ECT2: variants seen among roughly 807,000 people sequenced by gnomAD.
ECT2 encodes the protein epithelial cell transforming 2.
ECT2 carries 61 observed loss-of-function variants against 116.9 expected under a neutral mutation model. That is an observed-to-expected ratio of 0.52 (90% CI 0.42 to 0.65). ECT2 has a LOEUF of 0.65. Ranked by LOEUF, ECT2 falls within the 30% of genes least tolerant of loss-of-function variation. The pLI is 0.00. For missense variants in ECT2, 937 were observed against 1,078.7 expected, an observed-to-expected ratio of 0.87 and a Z score of 1.84; for synonymous variants, 358 against 346.4, an observed-to-expected ratio of 1.03 and a Z score of -0.37.
intron 18 of ECT2, among the ~76,000 whole-genome samples, chr3:172,789,307 C>A (rs1425257808): frequency 6.6e-6 from 1 of 151,552 alleles, no homozygotes; most frequent in Non-Finnish European, 1.5e-5. Flanking sequence ...GAAGCCTCCA[C>A]CTCCTCCCAC....
At chr3:172,826,752 G>C in the ECT2 span, among the ~76,000 whole-genome samples, 1 of 152,142 alleles carries the variant, frequency 6.6e-6, no homozygotes, top group African/African-American at 2.4e-5. Flanking sequence ...TCAGTCAGCA[G>C]CCATCAACAT....
downstream of ECT2, among the ~76,000 whole-genome samples, chr3:172,825,090 T>G (rs758180551): frequency 1.3e-5 from 2 of 152,258 alleles, no homozygotes; most frequent in Non-Finnish European, 2.9e-5. Flanking sequence ...CTGTGTCACA[T>G]TTTTGTAATT....
At position 172,776,191 on chromosome 3, in the gene ECT2, G is replaced by GTTTTTTTTT. The variant is rs1294531373; in HGVS notation, c.1548+2175_1548+2176insTTTTTTTTT. ...TGGTACTTCAACTATTAGTTTTTCA[G>GTTTTTTTTT]TTTTTTCTTTTTTTTTTTTTTTTTT... On this transcript the variant is annotated intron_variant, in intron 14 of 24. Transcript: ENST00000392692. Among the ~76,000 whole-genome samples, 54 of 106,968 alleles carry GTTTTTTTTT rather than the reference G, an allele frequency of 5.0e-4. 1 individual carries two copies. Among genetic ancestry groups the GTTTTTTTTT allele is most frequent in the African/African-American group, 2.1e-3 (52 of 24,892 alleles). 70.2% of individuals were successfully genotyped at this position (106,968 alleles called of 152,430 possible).
At chr3:172,815,576 G>C (rs1729539710) in intron 22 of ECT2, 28 bp from the exon 23 acceptor site, 4 of 1,389,894 alleles carry the variant, frequency 2.9e-6, no homozygotes, top group Non-Finnish European at 4.0e-6. Flanking sequence ...GTGTTTTTAA[G>C]ATAACAAAAA....
At chr3:172,815,555 GAAACAGTTGTGTGTTTTTA>G in intron 22 of ECT2, 30 bp from the exon 23 acceptor site, 1 of 1,213,320 alleles carries the variant, frequency 8.2e-7, no homozygotes, top group Non-Finnish European at 1.2e-6. Context: ...TTGATTTTTA[GAAACAGTTGTGTGTTTTTA>G]AGATAACAAA....
At chr3:172,822,527 C>T (rs537625486), downstream of ECT2, among the ~76,000 whole-genome samples, 15 of 151,828 alleles carry the variant, frequency 9.9e-5, no homozygotes, top group Non-Finnish European at 1.9e-4. Context: ...AATGCTGGAA[C>T]GTTGATCCCT....
At chr3:172,818,331 G>C (rs2109386619) in intron 24 of ECT2, 1 of 173,328 alleles carries the variant, frequency 5.8e-6, no homozygotes, top group South Asian at 1.5e-4. Flanking sequence ...ACATTAATTT[G>C]TGAAAATTAG....
intron 7 of ECT2, 43 bp from the exon 8 acceptor site, chr3:172,761,567 A>G: frequency 2.2e-6 from 3 of 1,366,086 alleles, no homozygotes; most frequent in Non-Finnish European, 2.1e-6. Context: ...CCTTGAATGC[A>G]GTTATTTAAG....
In ECT2 at chr3:172,760,261, A is replaced by G. The variant is rs1234666440; in HGVS notation, c.682A>G (p.Arg228Gly). The G allele has an allele frequency of 1.0e-5, 16 of 1,602,144 alleles. No individual in the cohort carries two copies. The highest frequency in any genetic ancestry group is 1.3e-5 in the Non-Finnish European group (15 of 1,171,354). The change falls in exon 7 of 25, where the codon AGG becomes GGG. Residue 228 changes from arginine (R) to glycine (G), a missense_variant and splice_region_variant. Physicochemically the swap from Arg to Gly is moderately radical, Grantham distance 125 (BLOSUM62 -2). Transcript: ENST00000392692. ...VANCTQGEKF[R>G]VAVSLGTPIM... is the part of the protein sequence containing the mutation. The stretch of plus-strand genomic sequence containing the variant: ...AAATTGTACACAAGGAGAAAAATTC[A>G]GGGTATGTAAACTTGGGTATTTTTG...
rs575784568 is a variant in ECT2, at chr3:172,794,169, TAACCCA to T, written c.1907+7597_1907+7602del. Among the ~76,000 whole-genome samples the T allele has an allele frequency of 3.9e-3, 590 of 152,334 alleles. 3 individuals are homozygous for T. Among genetic ancestry groups the T allele is most frequent in the African/African-American group, 0.014 (566 of 41,580 alleles). Reference sequence around the variant, plus strand: ...TAGTTTTATCTAAGAAATATTTGTCTAACCCAAGGTCACAAGGATTTTTTTCTTATT... The same window carrying T: ...TAGTTTTATCTAAGAAATATTTGTCTAGGTCACAAGGATTTTTTTCTTATT... On this transcript the variant is annotated intron_variant, in intron 18 of 24. Coordinates refer to ENST00000392692, the MANE Select transcript of ECT2 (RefSeq NM_001258315.2).
At chr3:172,797,697 T>G (rs1725984812) in intron 18 of ECT2, among the ~76,000 whole-genome samples, 1 of 152,220 alleles carries the variant, frequency 6.6e-6, no homozygotes, top group Non-Finnish European at 1.5e-5. Context: ...TGCAGAAAGT[T>G]TTTCTTTGCC....
rs1003184263 is a variant in ECT2, at chr3:172,793,176, T to C, written c.1907+6602T>C. ...TTTTTTATTTATTTTTATTTATTTA[T>C]TTATTTTTGAGATGGAGTCTCACTC... On this transcript the variant is annotated intron_variant, in intron 18 of 24. Coordinates refer to ENST00000392692, the MANE Select transcript of ECT2 (RefSeq NM_001258315.2). Among the ~76,000 whole-genome samples, 5 of 152,192 alleles carry C rather than the reference T, an allele frequency of 3.3e-5. No homozygotes were observed. The East Asian group carries it at 7.7e-4, about 23-fold the overall frequency.
chr3:172,761,959 A>G (rs1202341059), intron 8 of ECT2, among the ~76,000 whole-genome samples: 2 of 152,046 alleles, frequency 1.3e-5, no homozygotes, highest in African/African-American at 4.8e-5. Flanking sequence ...AATTCTGTGT[A>G]TTTGGATTTT....
At chr3:172,829,140 C>T in the ECT2 span, 588,667 of 648,586 alleles carry the variant, frequency 0.91, 268,519 homozygotes, top group Non-Finnish European at 0.94. Flanking sequence ...GGATCTGAGC[C>T]GGAGAAATGA....
In ECT2 at chr3:172,762,972, G is replaced by A; in HGVS notation, c.1068G>A (p.Lys356=). The A allele has an allele frequency of 6.2e-7, 1 of 1,613,654 alleles. No individual in the cohort carries two copies. Among genetic ancestry groups the A allele is most frequent in the Non-Finnish European group, 8.5e-7 (1 of 1,179,760 alleles). ...GAGAAACTATGTATTTATATGAAAA[G>A]GTATGCTTTTAACCCCTTACTTATT... ...RAGETMYLYE[K]ANTPELKKSV... Residue 356 remains lysine, a splice_region_variant and synonymous_variant, in exon 11 of 25, where the codon AAG becomes AAA. Transcript: ENST00000392692.
intron 13 of ECT2, among the ~76,000 whole-genome samples, chr3:172,770,721 T>G (rs57765847): frequency 3.9e-5 from 6 of 152,322 alleles, no homozygotes; most frequent in African/African-American, 1.4e-4. Flanking sequence ...AATAACTTAA[T>G]TATAGCTTAT....
chr3:172,826,803 C>T, the ECT2 span, among the ~76,000 whole-genome samples: 8 of 152,156 alleles, frequency 5.3e-5, no homozygotes, highest in African/African-American at 1.9e-4. Flanking sequence ...AATGGGATCA[C>T]ATCAAGCTAA....
rs1390536848 is a variant in ECT2 at position 172,811,934 on chromosome 3, TTC to T, written c.2401-3668_2401-3667del. On this transcript the variant is annotated intron_variant, in intron 22 of 24. Coordinates refer to ENST00000392692, the MANE Select transcript of ECT2 (RefSeq NM_001258315.2). Reference sequence around the variant, plus strand: ...TTCTAGGGGTATGACTTTTGATACTTTCTAGAAATATAAGCATAGACATATGT... The same window carrying T: ...TTCTAGGGGTATGACTTTTGATACTTTAGAAATATAAGCATAGACATATGT... Among the ~76,000 whole-genome samples the T allele has an allele frequency of 2.6e-5, 4 of 152,240 alleles. No individual in the cohort carries two copies. The East Asian group carries it at 5.8e-4, about 22-fold the overall frequency.
intron 13 of ECT2, among the ~76,000 whole-genome samples, chr3:172,772,019 A>G (rs1720751138): frequency 6.6e-6 from 1 of 152,100 alleles, no homozygotes; most frequent in Admixed American, 6.5e-5. Flanking sequence ...TTTTTGAGAT[A>G]GGGTCTCACT....
Sources: allele counts gnomAD v4.1 joint callset (sites outside exome capture counted in the v4.1 genomes callset), GRCh38; gene constraint gnomAD v4.1.1; transcripts MANE v1.5; gene names NCBI Gene and HGNC (gene_info 2026-07-23, HGNC 2026-07-21).